CILP: variants seen among roughly 807,000 people sequenced by gnomAD.
CILP encodes the protein cartilage intermediate layer protein 1.
Under a neutral mutation model 82.5 loss-of-function variants are expected in CILP, and 75 were observed. The ratio of observed to expected loss-of-function variants is 0.91; its 90% CI spans 0.75 to 1.10. The LOEUF is 1.10. Ranked by LOEUF, CILP falls within the 50% of genes least tolerant of loss-of-function variation. The pLI is 0.00. For synonymous variants in CILP, 530 were observed against 580.3 expected (o/e 0.91, Z 1.25); for missense variants, 1,479 against 1,530.8 (o/e 0.97, Z 0.56).
At chr15:65,207,095 C>T (rs750437679) in intron 3 of CILP, 44 bp from the exon 4 acceptor site, 13 of 1,579,832 alleles carry the variant, frequency 8.2e-6, no homozygotes, top group African/African-American at 2.7e-5. Flanking sequence ...GATCCTGGTG[C>T]GCTCCAGTTC....
rs995585251 is a variant in CILP, at chr15:65,198,136, T to C, written c.2150A>G (p.Glu717Gly). The C allele has an allele frequency of 6.2e-7, 1 of 1,614,124 alleles. No individual in the cohort carries two copies. Among genetic ancestry groups the C allele is most frequent in the African/African-American group, 1.3e-5 (1 of 74,956 alleles). ...LWEEEGDFKF[E>G]NQRRNKREDR... ...TTCTCTTTTGTTCCTCCTTTGATTT[T>C]CAAATTTGAAATCACCTTCCTCCTC... The change falls in exon 9 of 9, where the codon GAA becomes GGA. Residue 717 changes from glutamate (E) to glycine (G), a missense_variant. By Grantham distance (98) the Glu-to-Gly change is moderately conservative (BLOSUM62 -2). Coordinates refer to ENST00000261883, the MANE Select transcript of CILP (RefSeq NM_003613.4).
At position 65,197,101 on chromosome 15, in the gene CILP, G is replaced by A. The variant is rs2088374947; in HGVS notation, c.3185C>T (p.Thr1062Ile). ...LAVNNDTSEY[T>I]MLAPLDPLGH... ...CAGTGGGTCCAAGGGTGCCAGCATG[G>A]TGTACTCACTGGTGTCGTTGTTGAC... is the stretch of plus-strand genomic sequence containing the variant. The change falls in exon 9 of 9, where the codon ACC becomes ATC. Residue 1062 changes from threonine to isoleucine, a missense_variant. Physicochemically the swap from Thr to Ile is moderately conservative, Grantham distance 89. Coordinates refer to ENST00000261883, the MANE Select transcript of CILP (RefSeq NM_003613.4). 1 of 1,614,112 alleles carries A rather than the reference G, an allele frequency of 6.2e-7. No individual in the cohort carries two copies. Among genetic ancestry groups the A allele is most frequent in the Non-Finnish European group, 8.5e-7 (1 of 1,180,004 alleles).
intron 7 of CILP, among the ~76,000 whole-genome samples, chr15:65,202,978 AAC>A (rs1453425070): frequency 6.6e-6 from 1 of 151,870 alleles, no homozygotes; most frequent in Non-Finnish European, 1.5e-5. Flanking sequence ...TGGTACTAGA[AAC>A]ACAAGCCTGC....
intron 6 of CILP, among the ~76,000 whole-genome samples, chr15:65,203,719 G>A (rs758096602): frequency 2.2e-4 from 34 of 152,162 alleles, no homozygotes; most frequent in Non-Finnish European, 4.1e-4. Flanking sequence ...TGAAACAAGG[G>A]GACCTTGTGT....
In CILP at chr15:65,197,891, C is replaced by A. The variant is rs2088392884; in HGVS notation, c.2395G>T (p.Val799Phe). 1 of 1,613,752 alleles carries A rather than the reference C, an allele frequency of 6.2e-7. No homozygotes were observed. Among genetic ancestry groups the A allele is most frequent in the Admixed American group, 1.7e-5 (1 of 59,916 alleles). The change falls in exon 9 of 9, where the codon GTC becomes TTC. Residue 799 changes from valine to phenylalanine, a missense_variant. Transcript: ENST00000261883. ...CAGGCCCCGTTGGGGCCTGTGATGACACTGTCAAAGCGGCCCCAGGCCCTA... is the reference window on the plus strand; with the variant it reads ...CAGGCCCCGTTGGGGCCTGTGATGAAACTGTCAAAGCGGCCCCAGGCCCTA... ...NPRAWGRFDS[V>F]ITGPNGACVP... is the part of the protein sequence containing the mutation.
In CILP at chr15:65,197,940, A is replaced by G; in HGVS notation, c.2346T>C (p.Pro782=). Residue 782 remains proline, a synonymous_variant, in exon 9 of 9, where the codon CCT becomes CCC. Transcript: ENST00000261883. Reference sequence around the variant, plus strand: ...TAGGGTTGGACAAGAAGCCAGTTCTAGGCTCCAGGTTAATCACGGAGATCA... The same window carrying G: ...TAGGGTTGGACAAGAAGCCAGTTCTGGGCTCCAGGTTAATCACGGAGATCA... ...GVVISVINLE[P]RTGFLSNPRA... is the part of the protein sequence containing the mutation. 2 of 1,614,154 alleles carry G rather than the reference A, an allele frequency of 1.2e-6. No individual in the cohort carries two copies. Among genetic ancestry groups the G allele is most frequent in the Non-Finnish European group, 1.7e-6 (2 of 1,180,020 alleles).
Position 65,201,852 on chromosome 15 carries a change from A to G in CILP, c.1186+20T>C, listed in dbSNP as rs1207805488. On this transcript the variant is annotated intron_variant, in intron 8 of 8. Transcript: ENST00000261883. ...ACCCTGTTGCAGACCCAGGGGCCCCAGGGACCCAGACAGGCTTACCTATGA... is the reference window on the plus strand; with the variant it reads ...ACCCTGTTGCAGACCCAGGGGCCCCGGGGACCCAGACAGGCTTACCTATGA... 2 of 1,469,632 alleles carry G rather than the reference A, an allele frequency of 1.4e-6. No homozygotes were observed. Among genetic ancestry groups the G allele is most frequent in the Admixed American group, 2.4e-5 (1 of 41,674 alleles). The allele number at this position is 1,469,632 out of a possible 1,614,324, so 91.0% of individuals were successfully genotyped here.
intron 2 of CILP, among the ~76,000 whole-genome samples, chr15:65,208,721 G>A (rs1047733309): frequency 7.9e-5 from 12 of 152,230 alleles, no homozygotes; most frequent in Non-Finnish European, 5.9e-5. Context: ...AGAATGCGGA[G>A]CAGAGGGCTG....
rs1566993053 is a variant in CILP, at chr15:65,198,038, T to C, written c.2248A>G (p.Arg750Gly). The change falls in exon 9 of 9, where the codon AGG becomes GGG. Residue 750 changes from arginine (R) to glycine (G), a missense_variant. By Grantham distance (125) the Arg-to-Gly change is moderately radical. Transcript: ENST00000261883. ...RLFNLDVPES[R>G]RCFVKVRAYR... is the part of the protein sequence containing the mutation. Reference sequence around the variant, plus strand: ...GCCCTCACCTTAACAAAGCACCGCCTGCTTTCAGGAACATCCAGGTTAAAG... The same window carrying C: ...GCCCTCACCTTAACAAAGCACCGCCCGCTTTCAGGAACATCCAGGTTAAAG... 6 of 1,614,136 alleles carry C rather than the reference T, an allele frequency of 3.7e-6. No homozygotes were observed. The highest frequency in any genetic ancestry group is 5.1e-6 in the Non-Finnish European group (6 of 1,180,046).
Position 65,204,339 on chromosome 15 carries a change from G to A in CILP, c.848C>T (p.Ala283Val). The change falls in exon 6 of 9, where the codon GCC becomes GTC. Residue 283 changes from alanine (A) to valine (V), a missense_variant. By Grantham distance (64) the Ala-to-Val change is moderately conservative. Coordinates refer to ENST00000261883, the MANE Select transcript of CILP (RefSeq NM_003613.4). ...CTTGGGCATTGTGAGTACAATGGGGGCAAACTTGACCTTTGTGATCTTCAG... is the reference window on the plus strand; with the variant it reads ...CTTGGGCATTGTGAGTACAATGGGGACAAACTTGACCTTTGTGATCTTCAG... ...SILKITKVKF[A>V]PIVLTMPKTS... The A allele has an allele frequency of 5.0e-6, 8 of 1,614,192 alleles. No individual in the cohort carries two copies. Among genetic ancestry groups the A allele is most frequent in the Non-Finnish European group, 6.8e-6 (8 of 1,180,030 alleles).
At position 65,196,695 on chromosome 15, in the gene CILP, G is replaced by A; in HGVS notation, c.*36C>T. ...ATCAGTCTCACAATGGCTGTCACAT[G>A]AAATGAGGGCAGAAGAGGGTGAAGT... On this transcript the variant is annotated 3_prime_UTR_variant, in exon 9 of 9. Coordinates refer to ENST00000261883, the MANE Select transcript of CILP (RefSeq NM_003613.4). The A allele has an allele frequency of 6.8e-7, 1 of 1,480,420 alleles. No homozygotes were observed. The highest frequency in any genetic ancestry group is 9.1e-7 in the Non-Finnish European group (1 of 1,104,178). 91.7% of individuals were successfully genotyped at this position (1,480,420 alleles called of 1,614,324 possible).
rs2088463081 is a variant in CILP, at chr15:65,202,011, C to A, written c.1047G>T (p.Leu349Phe). The A allele has an allele frequency of 5.0e-6, 8 of 1,592,052 alleles. No homozygotes were observed. The highest frequency in any genetic ancestry group is 1.1e-5 in the South Asian group (1 of 87,428). The change falls in exon 8 of 9, where the codon TTG becomes TTT. Residue 349 changes from leucine to phenylalanine, a missense_variant. Physicochemically the swap from Leu to Phe is conservative, Grantham distance 22. Transcript: ENST00000261883. ...DKYFWYHNDT[L>F]LDPSLYKHES... ...CATGCTTGTAGAGGGAAGGATCCAGCAATGTGTCATTATGATACCTGCAAG... is the reference window on the plus strand; with the variant it reads ...CATGCTTGTAGAGGGAAGGATCCAGAAATGTGTCATTATGATACCTGCAAG...
chr15:65,203,194 C>T (rs2088479336), intron 7 of CILP, among the ~76,000 whole-genome samples, 168 bp downstream of exon 7: 2 of 152,138 alleles, frequency 1.3e-5, no homozygotes, highest in Admixed American at 6.5e-5. Flanking sequence ...GTCTGGCTCC[C>T]AACCCCATGG....
At position 65,196,855 on chromosome 15, in the gene CILP, C is replaced by T. The variant is rs1212463053; in HGVS notation, c.3431G>A (p.Gly1144Asp). ...QSTPAQSPAA[G>D]TVQGRVPSRR... ...CGAGGGCACTCTTCCTTGGACAGTG[C>T]CTGCAGCAGGGGACTGGGCTGGGGT... Residue 1144 changes from glycine (G) to aspartate (D), a missense_variant, in exon 9 of 9, where the codon GGC becomes GAC. Transcript: ENST00000261883. The T allele has an allele frequency of 1.2e-6, 2 of 1,613,800 alleles. No homozygotes were observed. Among genetic ancestry groups the T allele is most frequent in the East Asian group, 2.2e-5 (1 of 44,884 alleles).
intron 2 of CILP, 68 bp downstream of exon 2, chr15:65,209,627 C>A: frequency 6.6e-7 from 1 of 1,510,096 alleles, no homozygotes; most frequent in Non-Finnish European, 9.2e-7. Flanking sequence ...ATAGTTCAGT[C>A]CCAGACCAGA....
chr15:65,209,766 A>G lies in CILP; in HGVS notation c.-11T>C, dbSNP rs1465403735. The G allele has an allele frequency of 8.1e-6, 13 of 1,613,854 alleles. No homozygotes were observed. Among genetic ancestry groups the G allele is most frequent in the Non-Finnish European group, 1.0e-5 (12 of 1,179,828 alleles). ...CTTGGTCCCCACCATCTTTCCCCCA[A>G]GCCCGTGGGAACGTGGCAAGAGGTA... On this transcript the variant is annotated 5_prime_UTR_variant, in exon 2 of 9. Transcript: ENST00000261883.
In CILP at chr15:65,199,042, T is replaced by A. The variant is rs199950400; in HGVS notation, c.1244A>T (p.His415Leu). 3 of 1,603,674 alleles carry A rather than the reference T, an allele frequency of 1.9e-6. No individual in the cohort carries two copies. Among genetic ancestry groups the A allele is most frequent in the Non-Finnish European group, 2.5e-6 (3 of 1,179,882 alleles). Reference protein sequence around the residue: ...VPESYLIRLPHDCFQNATNSF... With the variant: ...VPESYLIRLPLDCFQNATNSF... ...GTTGGTGGCATTCTGAAAGCAATCA[T>A]GGGGCAGCCGGATAAGATAGCTCTC... Residue 415 changes from histidine (H) to leucine (L), a missense_variant, in exon 9 of 9, where the codon CAT becomes CTT. Transcript: ENST00000261883.
At position 65,197,655 on chromosome 15, in the gene CILP, G is replaced by A; in HGVS notation, c.2631C>T (p.Ser877=). ...PRVKKTAFQI[S]MAKPRPNSAE... ...CTGAGTTGGGCCTTGGCTTGGCCAT[G>A]CTAATCTGGAAAGCTGTCTTTTTAA... Residue 877 remains serine (S), a synonymous_variant, in exon 9 of 9, where the codon AGC becomes AGT. Coordinates refer to ENST00000261883, the MANE Select transcript of CILP (RefSeq NM_003613.4). The A allele has an allele frequency of 6.2e-7, 1 of 1,614,166 alleles. No homozygotes were observed. Among genetic ancestry groups the A allele is most frequent in the South Asian group, 1.1e-5 (1 of 91,082 alleles).
At chr15:65,207,157 C>G (rs1311811565) in intron 3 of CILP, 106 bp from the exon 4 acceptor site, 11 of 1,269,904 alleles carry the variant, frequency 8.7e-6, no homozygotes, top group Non-Finnish European at 1.2e-5. Flanking sequence ...TCACATTTGT[C>G]TCTCCAGTAT....
Sources: allele counts gnomAD v4.1 joint callset (sites outside exome capture counted in the v4.1 genomes callset), GRCh38; gene constraint gnomAD v4.1.1; transcripts MANE v1.5; gene names NCBI Gene and HGNC (gene_info 2026-07-23, HGNC 2026-07-21).